Variants in TMEM183A observed in about 807,000 individuals in gnomAD.
TMEM183A encodes chromosome 1 open reading frame 37.
In TMEM183A, 21 loss-of-function variants were observed where a neutral mutation model predicts 46.7. That is an observed-to-expected ratio of 0.45 (90% CI 0.32 to 0.65). The LOEUF is 0.65. Ranked by LOEUF, TMEM183A falls within the 30% of genes least tolerant of loss-of-function variation. The pLI, the probability that TMEM183A is intolerant of heterozygous loss-of-function variation, is 0.04. For synonymous variants in TMEM183A, 165 were observed against 180.2 expected, an observed-to-expected ratio of 0.92 and a Z score of 0.68; for missense variants, 331 against 481.9, an observed-to-expected ratio of 0.69 and a Z score of 2.93.
chr1:203,017,889 G>A (rs551976826), intron 5 of TMEM183A: 2 of 986,170 alleles, frequency 2.0e-6, no homozygotes, highest in Non-Finnish European at 2.4e-6. Context: ...CAGCTGGCAC[G>A]GCGGACGACC....
chr1:203,018,931 A>G (rs904798351), intron 6 of TMEM183A, among the ~76,000 whole-genome samples: 3 of 152,136 alleles, frequency 2.0e-5, no homozygotes, highest in African/African-American at 7.2e-5. Context: ...CCAGTAGGTC[A>G]CCTCCTAAAA....
intron 6 of TMEM183A, among the ~76,000 whole-genome samples, chr1:203,019,925 T>G (rs1258470699): frequency 6.6e-6 from 1 of 151,880 alleles, no homozygotes; most frequent in African/African-American, 2.4e-5. Context: ...GGCAATAGGT[T>G]TATGGGTTTC....
At chr1:203,022,087 G>C (rs756307129) in intron 7 of TMEM183A, among the ~76,000 whole-genome samples, 3 of 151,806 alleles carry the variant, frequency 2.0e-5, no homozygotes, top group Non-Finnish European at 2.9e-5. Context: ...TTTTTTTTGA[G>C]ATGGAGTCTC....
At chr1:203,021,305 A>G (rs1238626531) in intron 7 of TMEM183A, among the ~76,000 whole-genome samples, 4 of 152,124 alleles carry the variant, frequency 2.6e-5, no homozygotes, top group South Asian at 2.1e-4. Flanking sequence ...TGCTGAGATT[A>G]TAAGTGTGAG....
rs1657631315 is a variant in TMEM183A at position 203,021,025 on chromosome 1, CTCTTT to C, written c.945+79_945+83del. 4.6e-6 allele frequency: 5 copies of C among 1,085,300 alleles called. No individual in the cohort carries two copies. In the African/African-American group the frequency reaches 6.6e-5, roughly 14 times the overall value. 67.2% of individuals were successfully genotyped at this position (1,085,300 alleles called of 1,614,324 possible). A position where few individuals can be genotyped will look rare whatever the true frequency, so the allele number is the denominator to read the frequency against. ...CATTCTGAAAGGAGGTGAACCGCAG[CTCTTT>C]TTTTTTTTTTTTTTTTTAAGAGACG... On this transcript the variant is annotated intron_variant, in intron 7 of 7. Transcript: ENST00000367242.
chr1:203,011,734 C>A (rs1387341696), intron 3 of TMEM183A, among the ~76,000 whole-genome samples: 2 of 152,082 alleles, frequency 1.3e-5, no homozygotes, highest in Non-Finnish European at 2.9e-5. Flanking sequence ...AATTGTAAGA[C>A]TTCTTTATCT....
chr1:203,007,382 A>G lies in TMEM183A; in HGVS notation c.-84A>G, dbSNP rs1289123093. ...GAACCCGGACCTATGTTCTCGCGAGAGTTAGCGGCCTCCGGTGTGGGATGG... is the reference window on the plus strand; with the variant it reads ...GAACCCGGACCTATGTTCTCGCGAGGGTTAGCGGCCTCCGGTGTGGGATGG... On this transcript the variant is annotated 5_prime_UTR_variant, in exon 1 of 8. Coordinates refer to ENST00000367242, the MANE Select transcript of TMEM183A (RefSeq NM_138391.6). 4 of 1,275,216 alleles carry G rather than the reference A, an allele frequency of 3.1e-6. No individual in the cohort carries two copies. The highest frequency in any genetic ancestry group is 3.1e-5 in the African/African-American group (2 of 63,816). The allele number at this position is 1,275,216 out of a possible 1,614,324, so 79.0% of individuals were successfully genotyped here.
intron 3 of TMEM183A, among the ~76,000 whole-genome samples, chr1:203,010,831 T>C (rs1409568981): frequency 6.6e-6 from 1 of 152,212 alleles, no homozygotes; most frequent in Non-Finnish European, 1.5e-5. Context: ...AGAAACCCCA[T>C]ACTTATTAGC....
rs781556926 is a variant in TMEM183A at position 203,014,878 on chromosome 1, T to C, written c.368-11T>C. On this transcript the variant is annotated splice_polypyrimidine_tract_variant and intron_variant, in intron 3 of 7. Transcript: ENST00000367242. ...GTAGAAGATCAGAGATTATTCTTTTTTTTGTTTCAGAAGAACTGGACGGGG... is the reference window on the plus strand; with the variant it reads ...GTAGAAGATCAGAGATTATTCTTTTCTTTGTTTCAGAAGAACTGGACGGGG... The C allele has an allele frequency of 1.2e-6, 2 of 1,613,384 alleles. No individual in the cohort carries two copies. Among genetic ancestry groups the C allele is most frequent in the African/African-American group, 2.7e-5 (2 of 74,850 alleles).
intron 5 of TMEM183A, among the ~76,000 whole-genome samples, chr1:203,016,809 T>G (rs1461448263): frequency 6.6e-6 from 1 of 152,248 alleles, no homozygotes; most frequent in Non-Finnish European, 1.5e-5. Flanking sequence ...CTGTCATTCT[T>G]CTGATTTGTA....
At chr1:203,008,898 AT>A in intron 3 of TMEM183A, 88 bp downstream of exon 3, 1 of 1,356,608 alleles carries the variant, frequency 7.4e-7, no homozygotes, top group East Asian at 2.8e-5. Context: ...AGGAGGAGAT[AT>A]AAGACGTGAT....
intron 2 of TMEM183A, 49 bp downstream of exon 2, chr1:203,007,912 A>G (rs777780297): frequency 6.8e-5 from 109 of 1,600,562 alleles, no homozygotes; most frequent in Middle Eastern, 1.7e-4. Context: ...AGACAGAACT[A>G]GGTATTTTAT....
Position 203,008,633 on chromosome 1 carries a change from TTTC to T in TMEM183A, c.200-5_200-3del, listed in dbSNP as rs767323394. Reference sequence around the variant, plus strand: ...GTGTGCCATCTCATTCTCCTTTTATTTTCTTCTAGTAAAATCTCTTTGTGGCTT... The same window carrying T: ...GTGTGCCATCTCATTCTCCTTTTATTTTCTAGTAAAATCTCTTTGTGGCTT... On this transcript the variant is annotated splice_polypyrimidine_tract_variant and splice_region_variant and intron_variant, in intron 2 of 7. Transcript: ENST00000367242. 2.8e-5 allele frequency: 43 copies of T among 1,521,670 alleles called. No homozygotes were observed. Among genetic ancestry groups the T allele is most frequent in the Non-Finnish European group, 3.3e-5 (37 of 1,132,756 alleles). 94.3% of individuals were successfully genotyped at this position (1,521,670 alleles called of 1,614,324 possible).
intron 4 of TMEM183A, 23 bp downstream of exon 4, chr1:203,015,071 CTT>C (rs747229785): frequency 1.2e-6 from 2 of 1,607,140 alleles, no homozygotes; most frequent in Non-Finnish European, 1.7e-6. Context: ...AGAGCTCACT[CTT>C]TTATCTGTGT....
chr1:203,008,833 G>A, intron 3 of TMEM183A, 23 bp downstream of exon 3: 1 of 1,572,032 alleles, frequency 6.4e-7, no homozygotes, highest in Non-Finnish European at 8.6e-7. Flanking sequence ...TTCTCTTTTG[G>A]TTTATTAGAC....
At chr1:203,019,540 A>G (rs903426555) in intron 6 of TMEM183A, among the ~76,000 whole-genome samples, 18 of 152,238 alleles carry the variant, frequency 1.2e-4, no homozygotes, top group Admixed American at 1.2e-3. Context: ...ACATATTAAG[A>G]GAATAGTTCC....
At position 203,013,424 on chromosome 1, in the gene TMEM183A, G is replaced by C. The variant is rs1316583199; in HGVS notation, c.368-1465G>C. On this transcript the variant is annotated intron_variant, in intron 3 of 7. Transcript: ENST00000367242. The surrounding 1 kb of genome is among the most constrained non-coding windows in gnomAD (Gnocchi z 4.0). ...CATGTGTATTACCTGAACCTGAGAA[G>C]TATAGTGGACATCAAGGTCAAGAGA... 6.6e-6 allele frequency among the ~76,000 whole-genome samples: 1 copy of C among 152,176 alleles called. No homozygotes were observed. Among genetic ancestry groups the C allele is most frequent in the Non-Finnish European group, 1.5e-5 (1 of 68,034 alleles).
At chr1:203,020,980 T>G in intron 7 of TMEM183A, 32 bp downstream of exon 7, 1 of 1,162,444 alleles carries the variant, frequency 8.6e-7, no homozygotes. Flanking sequence ...CATTCTCAGC[T>G]CCTTTTTTTT....
At chr1:203,019,833 A>T (rs1220656525) in intron 6 of TMEM183A, among the ~76,000 whole-genome samples, 1 of 152,210 alleles carries the variant, frequency 6.6e-6, no homozygotes, top group Non-Finnish European at 1.5e-5. Context: ...TTGAACAGTG[A>T]CAGTATTACT....
Sources: allele counts gnomAD v4.1 joint callset (sites outside exome capture counted in the v4.1 genomes callset), GRCh38; gene constraint gnomAD v4.1.1; non-coding constraint Gnocchi (gnomAD v3.1); transcripts MANE v1.5; gene names NCBI Gene and HGNC (gene_info 2026-07-23, HGNC 2026-07-21).